KIAA1549L: variants seen among roughly 807,000 people sequenced by gnomAD.
KIAA1549L encodes the protein KIAA1549 like.
Under a neutral mutation model 160.7 loss-of-function variants are expected in KIAA1549L, and 88 were observed. The ratio of observed to expected loss-of-function variants is 0.55; its 90% CI spans 0.46 to 0.65. The LOEUF (loss-of-function observed/expected upper bound fraction) is 0.65, where lower values mean the gene tolerates loss of function less well. Ranked by LOEUF, KIAA1549L falls within the 30% of genes least tolerant of loss-of-function variation. KIAA1549L has a pLI of 0.00. For synonymous variants in KIAA1549L, 950 were observed against 976.7 expected (o/e 0.97, Z 0.51); for missense variants, 2,258 against 2,437.5 (o/e 0.93, Z 1.55).
intron 1 of KIAA1549L, among the ~76,000 whole-genome samples, chr11:33,483,831 T>C (rs1852464135): frequency 6.6e-6 from 1 of 152,240 alleles, no homozygotes; most frequent in Non-Finnish European, 1.5e-5. Flanking sequence ...TCCAGCCACA[T>C]GGAACTGTGA....
chr11:33,552,953 G>A (rs1015093788), intron 6 of KIAA1549L, among the ~76,000 whole-genome samples: 1 of 152,060 alleles, frequency 6.6e-6, no homozygotes, highest in Admixed American at 6.6e-5. Context: ...TGAAGCCTGT[G>A]TCAAACAACA....
intron 1 of KIAA1549L, among the ~76,000 whole-genome samples, chr11:33,434,298 C>G (rs886075020): frequency 1.3e-5 from 2 of 152,166 alleles, no homozygotes; most frequent in African/African-American, 4.8e-5. Context: ...CCTGCACAAG[C>G]TTTCTTGCCT....
intron 6 of KIAA1549L, among the ~76,000 whole-genome samples, chr11:33,558,987 C>T (rs1854747465): frequency 6.6e-6 from 1 of 151,820 alleles, no homozygotes; most frequent in African/African-American, 2.4e-5. Context: ...GCACATGCCA[C>T]CATGCCCGGC....
intron 1 of KIAA1549L, among the ~76,000 whole-genome samples, chr11:33,461,367 G>A (rs1346951590): frequency 6.6e-6 from 1 of 152,072 alleles, no homozygotes; most frequent in Non-Finnish European, 1.5e-5. Context: ...TATAAACCGG[G>A]GACACAGAGG....
intron 1 of KIAA1549L, among the ~76,000 whole-genome samples, chr11:33,490,067 G>A (rs915320577): frequency 6.6e-6 from 1 of 152,202 alleles, no homozygotes; most frequent in African/African-American, 2.4e-5. Context: ...AAATGGGAAG[G>A]TTTGAATTCA....
intron 1 of KIAA1549L, among the ~76,000 whole-genome samples, chr11:33,427,586 G>A (rs1000804852): frequency 4.6e-5 from 7 of 151,920 alleles, no homozygotes; most frequent in African/African-American, 1.7e-4. Flanking sequence ...GGCTGTCTCC[G>A]GTTCCTCACT....
In KIAA1549L at chr11:33,655,993, T is replaced by C. The variant is rs1852051169; in HGVS notation, c.5761-19T>C. The C allele has an allele frequency of 3.2e-6, 5 of 1,584,194 alleles. No homozygotes were observed. Among genetic ancestry groups the C allele is most frequent in the Non-Finnish European group, 4.3e-6 (5 of 1,153,252 alleles). Reference sequence around the variant, plus strand: ...CTGGGTGTTAACAACTCTCCCTGTATTGCTTGTCTCTTTCACAGGCTTACA... The same window carrying C: ...CTGGGTGTTAACAACTCTCCCTGTACTGCTTGTCTCTTTCACAGGCTTACA... On this transcript the variant is annotated intron_variant, in intron 17 of 20. Coordinates refer to ENST00000658780, the MANE Select transcript of KIAA1549L (RefSeq NM_012194.3).
At chr11:33,432,190 C>T (rs1352184524) in intron 1 of KIAA1549L, among the ~76,000 whole-genome samples, 1 of 152,148 alleles carries the variant, frequency 6.6e-6, no homozygotes, top group Non-Finnish European at 1.5e-5. Flanking sequence ...AAAGGGGCTC[C>T]CACAGTGCAG....
intron 15 of KIAA1549L, among the ~76,000 whole-genome samples, chr11:33,611,373 C>A (rs1432607926): frequency 6.6e-6 from 1 of 152,146 alleles, no homozygotes; most frequent in African/African-American, 2.4e-5. Flanking sequence ...TTGTGACAGG[C>A]TTGGATCAAA....
Position 33,574,697 on chromosome 11 carries a change from G to A in KIAA1549L, c.4231-5G>A, listed in dbSNP as rs763188950. 2.9e-5 allele frequency: 46 copies of A among 1,603,412 alleles called. No homozygotes were observed. Among genetic ancestry groups the A allele is most frequent in the African/African-American group, 1.5e-4 (11 of 74,520 alleles). On this transcript the variant is annotated splice_region_variant and splice_polypyrimidine_tract_variant and intron_variant, in intron 9 of 20. Transcript: ENST00000658780. ...GCAAACACTCGGCCTCTCTTTTTCC[G>A]AAAGATGGTGAAGATGCAGCGTGTC... is the stretch of plus-strand genomic sequence containing the variant.
At chr11:33,587,557 C>T (rs756837584) in intron 11 of KIAA1549L, among the ~76,000 whole-genome samples, 1 of 152,192 alleles carries the variant, frequency 6.6e-6, no homozygotes, top group Non-Finnish European at 1.5e-5. Flanking sequence ...GATGAGATAA[C>T]AGTGTTTTGC....
chr11:33,398,197 C>T (rs1850426116), intron 1 of KIAA1549L, among the ~76,000 whole-genome samples: 1 of 150,770 alleles, frequency 6.6e-6, no homozygotes, highest in Non-Finnish European at 1.5e-5. Flanking sequence ...GCTGGGATTA[C>T]AGATATGAGC....
chr11:33,531,348 G>A (rs1242747584), intron 1 of KIAA1549L, among the ~76,000 whole-genome samples: 1 of 152,134 alleles, frequency 6.6e-6, no homozygotes, highest in Non-Finnish European at 1.5e-5. Flanking sequence ...GATGGCGGGT[G>A]CCTGTAGTCC....
chr11:33,662,266 G>A (rs1852291105), intron 20 of KIAA1549L, among the ~76,000 whole-genome samples: 1 of 151,960 alleles, frequency 6.6e-6, no homozygotes, highest in African/African-American at 2.4e-5. Flanking sequence ...ACTCAATATT[G>A]CTGTTAATGT....
intron 20 of KIAA1549L, 87 bp downstream of exon 20, chr11:33,661,101 T>G (rs924178165): frequency 1.2e-4 from 161 of 1,316,296 alleles, no homozygotes; most frequent in Non-Finnish European, 1.6e-4. Flanking sequence ...AGACTGAAGG[T>G]TTTGTTATCT....
intron 1 of KIAA1549L, among the ~76,000 whole-genome samples, chr11:33,432,140 C>A (rs962669296): frequency 6.6e-6 from 1 of 152,232 alleles, no homozygotes; most frequent in Non-Finnish European, 1.5e-5. Flanking sequence ...CACACCTCCC[C>A]GCAAGCTGAG....
At chr11:33,540,607 A>G (rs1853996845) in intron 1 of KIAA1549L, among the ~76,000 whole-genome samples, 1 of 152,250 alleles carries the variant, frequency 6.6e-6, no homozygotes, top group East Asian at 1.9e-4. Flanking sequence ...GTGGTAACAT[A>G]GAAACACAAT....
chr11:33,437,593 A>G (rs1300737813), intron 1 of KIAA1549L, among the ~76,000 whole-genome samples: 3 of 152,250 alleles, frequency 2.0e-5, no homozygotes, highest in African/African-American at 7.2e-5. Flanking sequence ...GGTTGTGAGG[A>G]TGAGAAATGT....
intron 1 of KIAA1549L, among the ~76,000 whole-genome samples, chr11:33,461,869 CTGGT>C (rs1851949169): frequency 6.6e-6 from 1 of 152,142 alleles, no homozygotes. Flanking sequence ...AGGATTAGAG[CTGGT>C]TTTAGGGCTT....
Sources: gnomAD v4.1 joint callset for allele counts (sites outside exome capture counted in the v4.1 genomes callset) on GRCh38, gnomAD v4.1.1 for gene constraint, MANE v1.5 for transcripts, NCBI Gene and HGNC (gene_info 2026-07-23, HGNC 2026-07-21) for gene names.